The following CCSER1 variants were observed in gnomAD, a reference collection of about 807,000 sequenced individuals.
CCSER1 encodes the protein coiled-coil serine rich protein 1.
Under a neutral mutation model 82.0 loss-of-function variants are expected in CCSER1, and 41 were observed. The ratio of observed to expected loss-of-function variants is 0.50; its 90% CI spans 0.39 to 0.65. The LOEUF (loss-of-function observed/expected upper bound fraction) is 0.65. Among genes scored for constraint, CCSER1 ranks in the 30% least tolerant of loss-of-function variants. The pLI is 0.00. For synonymous variants in CCSER1, 414 were observed against 383.9 expected, an observed-to-expected ratio of 1.08 and a Z score of -0.92; for missense variants, 1,119 against 1,064.2, an observed-to-expected ratio of 1.05 and a Z score of -0.72.
At chr4:90,633,655 A>G (rs1436767877) in intron 6 of CCSER1, among the ~76,000 whole-genome samples, 1 of 152,020 alleles carries the variant, frequency 6.6e-6, no homozygotes, top group Non-Finnish European at 1.5e-5. Flanking sequence ...ACTATAAATC[A>G]TTATAAAACC....
rs1055325719 is a variant in CCSER1, at chr4:90,816,803, G to T, written c.2094+958G>T. On this transcript the variant is annotated intron_variant, in intron 8 of 10. Coordinates refer to ENST00000509176, the MANE Select transcript of CCSER1 (RefSeq NM_001145065.2). ...TACAAAACAGACTTTATAGACCATC[G>T]AACTTCTGAGGACTCCTAACATATT... Among the ~76,000 whole-genome samples, 3 of 151,894 alleles carry T rather than the reference G, an allele frequency of 2.0e-5. No individual in the cohort carries two copies. In the East Asian group the frequency reaches 5.8e-4, roughly 29 times the overall value.
intron 10 of CCSER1, among the ~76,000 whole-genome samples, chr4:91,275,487 TA>T (rs1405333548): frequency 3.9e-5 from 6 of 152,226 alleles, no homozygotes; most frequent in Non-Finnish European, 8.8e-5. Flanking sequence ...AAATGTATAT[TA>T]AGATAATTTG....
At chr4:90,869,217 G>T (rs1766120954) in intron 8 of CCSER1, among the ~76,000 whole-genome samples, 1 of 151,910 alleles carries the variant, frequency 6.6e-6, no homozygotes, top group Non-Finnish European at 1.5e-5. Flanking sequence ...GATCCCATTT[G>T]TCTATTTTTG....
At chr4:91,342,612 G>A (rs1381094903) in intron 10 of CCSER1, among the ~76,000 whole-genome samples, 1 of 151,996 alleles carries the variant, frequency 6.6e-6, no homozygotes, top group Non-Finnish European at 1.5e-5. Flanking sequence ...CAAAAGATAG[G>A]GTTTTCAGTG....
chr4:91,341,454 T>C (rs1747711887), intron 10 of CCSER1, among the ~76,000 whole-genome samples: 2 of 152,256 alleles, frequency 1.3e-5, no homozygotes, highest in South Asian at 4.1e-4. Context: ...CTTTAATGGT[T>C]TTCTGATAGA....
intron 5 of CCSER1, among the ~76,000 whole-genome samples, chr4:90,570,455 C>T (rs1249171410): frequency 3.3e-5 from 5 of 152,112 alleles, no homozygotes; most frequent in Non-Finnish European, 5.9e-5. Context: ...GATGCTCTGC[C>T]CTTGAACCCA....
rs1311753875 is a variant in CCSER1 at position 91,010,567 on chromosome 4, T to C, written c.2173-75383T>C. Reference sequence around the variant, plus strand: ...AATATTGTTTGTTTACTTAATGGTGTCCCATAAGTCCCACAGGCTGTCTTA... The same window carrying C: ...AATATTGTTTGTTTACTTAATGGTGCCCCATAAGTCCCACAGGCTGTCTTA... On this transcript the variant is annotated intron_variant, in intron 9 of 10. Coordinates refer to ENST00000509176, the MANE Select transcript of CCSER1 (RefSeq NM_001145065.2). Among the ~76,000 whole-genome samples the C allele has an allele frequency of 3.0e-5, 4 of 134,946 alleles. 1 individual carries two copies. Among genetic ancestry groups the C allele is most frequent in the Admixed American group, 2.9e-4 (4 of 13,662 alleles). The allele number at this position is 134,946 out of a possible 152,430, so 88.5% of individuals were successfully genotyped here.
chr4:91,438,607 C>A (rs1560671228), intron 10 of CCSER1, among the ~76,000 whole-genome samples: 1 of 152,180 alleles, frequency 6.6e-6, no homozygotes, highest in Non-Finnish European at 1.5e-5. Context: ...TAATTCATCA[C>A]CAGCAACGGA....
chr4:90,648,055 G>T (rs573953003), intron 6 of CCSER1, among the ~76,000 whole-genome samples: 1 of 151,786 alleles, frequency 6.6e-6, no homozygotes, highest in African/African-American at 2.4e-5. Context: ...TTCACTATCT[G>T]CTTGAGCTTT....
chr4:90,674,184 G>A (rs768440761), intron 6 of CCSER1, among the ~76,000 whole-genome samples: 45 of 151,836 alleles, frequency 3.0e-4, no homozygotes, highest in Non-Finnish European at 5.3e-4. Flanking sequence ...TGGAGAGGAG[G>A]GAAATCTGTT....
intron 7 of CCSER1, among the ~76,000 whole-genome samples, chr4:90,763,509 A>T (rs922894200): frequency 1.3e-5 from 2 of 152,186 alleles, no homozygotes; most frequent in Admixed American, 1.3e-4. Flanking sequence ...TTTGTGAGTT[A>T]TCTCAACCAC....
In CCSER1 at chr4:91,424,141, C is replaced by G. The variant is rs528128371; in HGVS notation, c.2218-174431C>G. 3.5e-4 allele frequency among the ~76,000 whole-genome samples: 53 copies of G among 150,914 alleles called. 1 individual carries two copies. The East Asian group carries it at 9.6e-3, about 27-fold the overall frequency. ...ACGCCATTCTCCTGCCTCAGCCTCCCGAGTAGCTGGGACTACAGGCGCCCG... is the reference window on the plus strand; with the variant it reads ...ACGCCATTCTCCTGCCTCAGCCTCCGGAGTAGCTGGGACTACAGGCGCCCG... On this transcript the variant is annotated intron_variant, in intron 10 of 10. Transcript: ENST00000509176.
At chr4:91,036,628 A>G (rs1281998460) in intron 9 of CCSER1, among the ~76,000 whole-genome samples, 1 of 152,214 alleles carries the variant, frequency 6.6e-6, no homozygotes. Flanking sequence ...AAAGGTAAAA[A>G]CCTAAAGTGA....
At chr4:91,244,293 T>C (rs1393972767) in intron 10 of CCSER1, among the ~76,000 whole-genome samples, 2 of 152,294 alleles carry the variant, frequency 1.3e-5, no homozygotes, top group Non-Finnish European at 1.5e-5. Context: ...CTCTAAGCCC[T>C]GGTTCACAGA....
chr4:90,658,337 C>G (rs1445914390), intron 6 of CCSER1, among the ~76,000 whole-genome samples: 1 of 152,126 alleles, frequency 6.6e-6, no homozygotes, highest in Non-Finnish European at 1.5e-5. Context: ...CATCTTAATC[C>G]AATCAGGAAT....
intron 10 of CCSER1, among the ~76,000 whole-genome samples, chr4:91,264,231 G>A (rs1229833152): frequency 6.6e-6 from 1 of 151,598 alleles, no homozygotes; most frequent in African/African-American, 2.4e-5. Context: ...GTAAAGAAGT[G>A]CTGCCATCTT....
chr4:90,909,187 C>T (rs1410187515), intron 8 of CCSER1, among the ~76,000 whole-genome samples: 1 of 152,124 alleles, frequency 6.6e-6, no homozygotes, highest in Non-Finnish European at 1.5e-5. Flanking sequence ...TAGCTGTGTC[C>T]AAATGTCCCT....
At chr4:91,081,032 G>A (rs1328992523) in intron 9 of CCSER1, among the ~76,000 whole-genome samples, 1 of 152,174 alleles carries the variant, frequency 6.6e-6, no homozygotes, top group Non-Finnish European at 1.5e-5. Flanking sequence ...AATAGAAAAA[G>A]AGGGAATCCT....
At chr4:90,522,115 A>G (rs1425665264) in intron 5 of CCSER1, among the ~76,000 whole-genome samples, 3 of 152,162 alleles carry the variant, frequency 2.0e-5, no homozygotes, top group Non-Finnish European at 2.9e-5. Context: ...GAGTTTCAGA[A>G]CTTTATATCT....
Sources: allele counts gnomAD v4.1 joint callset (sites outside exome capture counted in the v4.1 genomes callset), GRCh38; gene constraint gnomAD v4.1.1; transcripts MANE v1.5; gene names NCBI Gene and HGNC (gene_info 2026-07-23, HGNC 2026-07-21).